Variants in ROR2 observed in about 807,000 individuals in gnomAD.
The protein encoded by ROR2 is ROR family WNT receptor 2, also known as tyrosine-protein kinase transmembrane receptor ROR2.
In ROR2, 33 loss-of-function variants were observed where a neutral mutation model predicts 74.9. The ratio of observed to expected loss-of-function variants is 0.44; its 90% CI spans 0.33 to 0.59. The LOEUF is 0.59. ROR2 is among the 20% of genes least tolerant of loss of function. The probability of loss-of-function intolerance (pLI) is 0.02; values close to 1 mark genes in which losing one functional copy is unlikely to be tolerated. For missense variants in ROR2, 1,216 were observed against 1,313.8 expected, an observed-to-expected ratio of 0.93 and a Z score of 1.15; for synonymous variants, 586 against 558.7, an observed-to-expected ratio of 1.05 and a Z score of -0.69.
At chr9:91,740,800 G>A (rs1040900969) in intron 4 of ROR2, among the ~76,000 whole-genome samples, 9 of 152,004 alleles carry the variant, frequency 5.9e-5, no homozygotes, top group African/African-American at 1.2e-4. Flanking sequence ...GGACTGAAAC[G>A]GAATTTGGCA....
chr9:91,865,861 T>C (rs969589011), intron 1 of ROR2, among the ~76,000 whole-genome samples: 3 of 152,156 alleles, frequency 2.0e-5, no homozygotes, highest in South Asian at 2.1e-4. Context: ...CTCCAAAAAA[T>C]AGAATACAAA....
At chr9:91,863,694 C>T (rs1829543273) in intron 1 of ROR2, among the ~76,000 whole-genome samples, 1 of 151,952 alleles carries the variant, frequency 6.6e-6, no homozygotes, top group African/African-American at 2.4e-5. Flanking sequence ...ATGAAATGTC[C>T]AGAATAGGCA....
At chr9:91,870,883 C>T (rs906487008) in intron 1 of ROR2, among the ~76,000 whole-genome samples, 1 of 152,232 alleles carries the variant, frequency 6.6e-6, no homozygotes, top group Non-Finnish European at 1.5e-5. Flanking sequence ...GTCAAGAAAA[C>T]TCAACACATG....
intron 1 of ROR2, among the ~76,000 whole-genome samples, chr9:91,788,719 G>A (rs969418367): frequency 6.6e-6 from 1 of 152,046 alleles, no homozygotes; most frequent in Non-Finnish European, 1.5e-5. Context: ...ACAAAAATTA[G>A]TCAAGCGTGG....
intron 1 of ROR2, among the ~76,000 whole-genome samples, chr9:91,827,534 C>G (rs984064042): frequency 9.2e-5 from 14 of 152,170 alleles, no homozygotes; most frequent in South Asian, 4.1e-4. Context: ...TGATACACTT[C>G]CATCTGTAAA....
chr9:91,894,276 G>A (rs1830487436), intron 1 of ROR2, among the ~76,000 whole-genome samples: 1 of 152,182 alleles, frequency 6.6e-6, no homozygotes, highest in Non-Finnish European at 1.5e-5. Flanking sequence ...TGGGTCCCTT[G>A]TTCCCCACCT....
At chr9:91,737,251 C>G (rs1380841224) in intron 5 of ROR2, 140 bp downstream of exon 5, 3 of 1,129,018 alleles carry the variant, frequency 2.7e-6, no homozygotes, top group Non-Finnish European at 3.9e-6. Flanking sequence ...TAAAAAAGAT[C>G]TCTGGTTTCT....
At position 91,775,744 on chromosome 9, in the gene ROR2, T is replaced by C; in HGVS notation, c.172A>G (p.Lys58Glu). Residue 58 changes from lysine to glutamate, a missense_variant, in exon 2 of 9, where the codon AAA becomes GAA. Coordinates refer to ENST00000375708, the MANE Select transcript of ROR2 (RefSeq NM_004560.4). ...GCACCTGCATGTCCCAGCTCACCTTTCAGAGTTGGAATCGGGCCGTCCTGC... is the reference window on the plus strand; with the variant it reads ...GCACCTGCATGTCCCAGCTCACCTTCCAGAGTTGGAATCGGGCCGTCCTGC... The part of the protein sequence containing the change: ...DGQDGPIPTL[K>E]GYFLNFLEPV... The C allele has an allele frequency of 6.2e-7, 1 of 1,613,984 alleles. No individual in the cohort carries two copies. The highest frequency in any genetic ancestry group is 2.2e-5 in the East Asian group (1 of 44,872).
At chr9:91,751,944 A>G (rs1357847971) in intron 4 of ROR2, among the ~76,000 whole-genome samples, 1 of 152,250 alleles carries the variant, frequency 6.6e-6, no homozygotes, top group Non-Finnish European at 1.5e-5. Flanking sequence ...GGGAGATGGT[A>G]TTCAGAGGAA....
rs1290960265 is a variant in ROR2 at position 91,905,317 on chromosome 9, A to G, written c.97+44550T>C. Among the ~76,000 whole-genome samples, 2 of 142,146 alleles carry G rather than the reference A, an allele frequency of 1.4e-5. No individual in the cohort carries two copies. Among genetic ancestry groups the G allele is most frequent in the African/African-American group, 4.9e-5 (2 of 40,544 alleles). 93.3% of individuals were successfully genotyped at this position (142,146 alleles called of 152,430 possible). A position where few individuals can be genotyped will look rare whatever the true frequency, so the allele number is the denominator to read the frequency against. Reference sequence around the variant, plus strand: ...ACCACACACCAGACACACCACACACATACAATCATACCACACAACACATAC... The same window carrying G: ...ACCACACACCAGACACACCACACACGTACAATCATACCACACAACACATAC... On this transcript the variant is annotated intron_variant, in intron 1 of 8. Transcript: ENST00000375708. This position sits in a 1 kb window ranked among gnomAD's most constrained non-coding sequence, Gnocchi z 5.3.
At chr9:91,752,459 T>A (rs1490860069) in intron 4 of ROR2, among the ~76,000 whole-genome samples, 3 of 152,156 alleles carry the variant, frequency 2.0e-5, no homozygotes, top group Non-Finnish European at 4.4e-5. Context: ...AGCACTATGC[T>A]AAAAGGACGC....
At chr9:91,869,183 G>A (rs943262763) in intron 1 of ROR2, among the ~76,000 whole-genome samples, 10 of 151,974 alleles carry the variant, frequency 6.6e-5, no homozygotes, top group Admixed American at 2.0e-4. Flanking sequence ...TCAAACTCCT[G>A]AGCACCTGGG....
intron 1 of ROR2, among the ~76,000 whole-genome samples, chr9:91,885,389 G>A (rs970924976): frequency 6.6e-6 from 1 of 152,146 alleles, no homozygotes; most frequent in Admixed American, 6.5e-5. Context: ...ATCTCCAGGC[G>A]GGAATAACCA....
chr9:91,832,593 G>C (rs1010297525), intron 1 of ROR2, among the ~76,000 whole-genome samples: 1 of 152,010 alleles, frequency 6.6e-6, no homozygotes, highest in Non-Finnish European at 1.5e-5. Context: ...GCAAAGCAGC[G>C]GCTTTTCTGA....
At chr9:91,726,807 C>T (rs1394893402) in intron 7 of ROR2, 64 bp from the exon 8 acceptor site, 2 of 1,519,786 alleles carry the variant, frequency 1.3e-6, no homozygotes, top group African/African-American at 1.4e-5. Flanking sequence ...AAGTTCTCTA[C>T]CAACCCACTC....
At position 91,939,322 on chromosome 9, in the gene ROR2, C is replaced by T. The variant is rs559772120; in HGVS notation, c.97+10545G>A. Among the ~76,000 whole-genome samples, 14 of 152,312 alleles carry T rather than the reference C, an allele frequency of 9.2e-5. No individual in the cohort carries two copies. The South Asian group carries it at 2.1e-3, about 23-fold the overall frequency. On this transcript the variant is annotated intron_variant, in intron 1 of 8. Transcript: ENST00000375708. ...GGCCCTACCTGTGGCCAGTCCTGCA[C>T]CATTAATGCCATGCTCCCGCATCAT...
chr9:91,792,652 G>A (rs1474738649), intron 1 of ROR2, among the ~76,000 whole-genome samples: 1 of 152,126 alleles, frequency 6.6e-6, no homozygotes, highest in Admixed American at 6.6e-5. Context: ...TAGCTAGACT[G>A]ACCAAGAGAA....
At chr9:91,785,335 T>C (rs1826762168) in intron 1 of ROR2, among the ~76,000 whole-genome samples, 1 of 152,218 alleles carries the variant, frequency 6.6e-6, no homozygotes, top group Non-Finnish European at 1.5e-5. Context: ...ACACAAGGCC[T>C]CCCCTGGACA....
At chr9:91,833,379 G>A (rs1165657856) in intron 1 of ROR2, among the ~76,000 whole-genome samples, 3 of 152,188 alleles carry the variant, frequency 2.0e-5, no homozygotes, top group East Asian at 1.9e-4. Flanking sequence ...TGCCTGTATC[G>A]TGACTCCCAG....
Sources: allele counts gnomAD v4.1 joint callset (sites outside exome capture counted in the v4.1 genomes callset), GRCh38; gene constraint gnomAD v4.1.1; non-coding constraint Gnocchi (gnomAD v3.1); transcripts MANE v1.5; gene names NCBI Gene and HGNC (gene_info 2026-07-23, HGNC 2026-07-21).